The following KCNIP4 variants were observed in gnomAD, a reference collection of about 807,000 sequenced individuals.
KCNIP4 encodes Kv channel-interacting protein 4.
KCNIP4 carries 12 observed loss-of-function variants against 34.0 expected under a neutral mutation model. The ratio of observed to expected loss-of-function variants is 0.35; its 90% confidence interval spans 0.23 to 0.57. The LOEUF (loss-of-function observed/expected upper bound fraction) is 0.57, where lower values mean the gene tolerates loss of function less well. KCNIP4 is among the 20% of genes least tolerant of loss of function. The pLI is 0.83. For synonymous variants in KCNIP4, 124 were observed against 102.2 expected, an observed-to-expected ratio of 1.21 and a Z score of -1.29; for missense variants, 238 against 311.7, an observed-to-expected ratio of 0.76 and a Z score of 1.78.
chr4:21,059,356 C>A (rs1221309011), intron 1 of KCNIP4, among the ~76,000 whole-genome samples: 1 of 152,112 alleles, frequency 6.6e-6, no homozygotes, highest in Non-Finnish European at 1.5e-5. Context: ...TTCATTAGCG[C>A]CAACTATTCA....
chr4:21,850,479 AT>A (rs2109335079), intron 1 of KCNIP4: 1 of 152,192 alleles, frequency 6.6e-6, no homozygotes, highest in East Asian at 1.9e-4. Flanking sequence ...CTAAGCTAAC[AT>A]GCTCAGCCCC....
At chr4:21,871,836 C>T (rs868646760) in intron 1 of KCNIP4, among the ~76,000 whole-genome samples, 3 of 129,764 alleles carry the variant, frequency 2.3e-5, no homozygotes, top group Non-Finnish European at 3.1e-5. Flanking sequence ...GTTCACTGAT[C>T]CCCTCTCCTC....
intron 1 of KCNIP4, among the ~76,000 whole-genome samples, chr4:21,110,454 A>G (rs959433265): frequency 6.6e-6 from 1 of 152,256 alleles, no homozygotes; most frequent in Non-Finnish European, 1.5e-5. Context: ...CACATAATCT[A>G]TGGGAGTCAT....
At chr4:21,593,345 T>A (rs1577658718) in intron 1 of KCNIP4, among the ~76,000 whole-genome samples, 2 of 152,104 alleles carry the variant, frequency 1.3e-5, no homozygotes, top group Admixed American at 6.6e-5. Context: ...CCGTTTATTA[T>A]CTCTGAAAGA....
At chr4:20,885,877 G>T (rs1725251562) in intron 1 of KCNIP4, among the ~76,000 whole-genome samples, 1 of 152,020 alleles carries the variant, frequency 6.6e-6, no homozygotes, top group South Asian at 2.1e-4. Flanking sequence ...CTAAACTTCT[G>T]CTTTACTTTC....
chr4:21,609,573 T>C (rs1337368287), intron 1 of KCNIP4, among the ~76,000 whole-genome samples: 1 of 152,212 alleles, frequency 6.6e-6, no homozygotes, highest in Non-Finnish European at 1.5e-5. Flanking sequence ...TTGCTAGGAC[T>C]AGATTTGAAG....
intron 1 of KCNIP4, chr4:21,697,859 G>A (rs1712516822): frequency 5.9e-6 from 1 of 169,670 alleles, no homozygotes; most frequent in African/African-American, 2.4e-5. Context: ...TGAGAAGACA[G>A]ATGACAGGTC....
At chr4:21,448,028 G>A (rs944435431) in intron 1 of KCNIP4, among the ~76,000 whole-genome samples, 1 of 152,100 alleles carries the variant, frequency 6.6e-6, no homozygotes, top group Non-Finnish European at 1.5e-5. Flanking sequence ...TGAATAAGGG[G>A]AACTACTGTA....
chr4:21,399,620 G>C (rs1723301483), intron 1 of KCNIP4, among the ~76,000 whole-genome samples: 1 of 151,642 alleles, frequency 6.6e-6, no homozygotes, highest in Non-Finnish European at 1.5e-5. Context: ...AAATACAGGA[G>C]GCTTGGTTAA....
At chr4:21,380,458 GGAGA>G (rs1222316977) in intron 1 of KCNIP4, among the ~76,000 whole-genome samples, 1 of 88,626 alleles carries the variant, frequency 1.1e-5, no homozygotes, top group South Asian at 3.8e-4. Flanking sequence ...AGGGAGAGGG[GGAGA>G]GAGAGAGAGA....
intron 1 of KCNIP4, among the ~76,000 whole-genome samples, chr4:21,110,226 A>G (rs1251618491): frequency 6.6e-6 from 1 of 152,214 alleles, no homozygotes; most frequent in Non-Finnish European, 1.5e-5. Flanking sequence ...CATACTCTGC[A>G]TTGTTAGGAT....
chr4:21,330,217 G>A (rs1715491990), intron 1 of KCNIP4, among the ~76,000 whole-genome samples: 1 of 152,150 alleles, frequency 6.6e-6, no homozygotes, highest in South Asian at 2.1e-4. Context: ...TATTTGATTA[G>A]TACAACGCTA....
chr4:20,963,010 A>G (rs981857879), intron 1 of KCNIP4, among the ~76,000 whole-genome samples: 4 of 152,172 alleles, frequency 2.6e-5, no homozygotes, highest in Admixed American at 2.6e-4. Flanking sequence ...AAGTTGCACA[A>G]AATTGAAATG....
In KCNIP4 at chr4:21,945,778, G is replaced by A. The variant is rs183453896; in HGVS notation, c.61+2793C>T. Among the ~76,000 whole-genome samples the A allele has an allele frequency of 4.8e-4, 73 of 151,568 alleles. 1 individual carries two copies. The highest frequency in any genetic ancestry group is 3.1e-3 in the Admixed American group (47 of 15,206). On this transcript the variant is annotated intron_variant, in intron 1 of 8. Transcript: ENST00000382152. The stretch of plus-strand genomic sequence containing the variant: ...GTCTCTCCACTGTTAGCAGGATTAC[G>A]TTCTGATTTTATAGCAGGAGTGCAA...
intron 1 of KCNIP4, among the ~76,000 whole-genome samples, chr4:21,607,399 C>A (rs144616882): frequency 1.1e-4 from 17 of 152,182 alleles, no homozygotes; most frequent in African/African-American, 3.9e-4. Context: ...AATTATTAAA[C>A]ATATGGCGAA....
intron 1 of KCNIP4, among the ~76,000 whole-genome samples, chr4:21,187,232 A>T (rs901559246): frequency 6.6e-6 from 1 of 152,194 alleles, no homozygotes; most frequent in Non-Finnish European, 1.5e-5. Context: ...CATGGCACTT[A>T]AAAAAACCTG....
At chr4:21,460,383 G>T (rs887395758) in intron 1 of KCNIP4, among the ~76,000 whole-genome samples, 3 of 151,884 alleles carry the variant, frequency 2.0e-5, no homozygotes, top group African/African-American at 7.3e-5. Context: ...TGTCTCCATT[G>T]CACTTACCAC....
At chr4:21,869,987 A>G (rs899084976) in intron 1 of KCNIP4, among the ~76,000 whole-genome samples, 1 of 152,140 alleles carries the variant, frequency 6.6e-6, no homozygotes. Flanking sequence ...TGGGCTTTTT[A>G]GTCAGCAAAA....
chr4:21,463,020 G>GGAT (rs751680918), intron 1 of KCNIP4, among the ~76,000 whole-genome samples: 6 of 151,744 alleles, frequency 4.0e-5, no homozygotes, highest in Admixed American at 1.3e-4. Flanking sequence ...CATTTCCTTT[G>GGAT]GATATATATC....
Sources: gnomAD v4.1 joint callset for allele counts (sites outside exome capture counted in the v4.1 genomes callset) on GRCh38, gnomAD v4.1.1 for gene constraint, MANE v1.5 for transcripts, NCBI Gene and HGNC (gene_info 2026-07-23, HGNC 2026-07-21) for gene names.